Variants in BIN2 observed in about 807,000 individuals in gnomAD.
The protein encoded by BIN2 is breast cancer associated protein BRAP1.
BIN2 carries 43 observed loss-of-function variants against 67.9 expected under a neutral mutation model. The ratio of observed to expected loss-of-function variants is 0.63; its 90% CI spans 0.50 to 0.82. The LOEUF (loss-of-function observed/expected upper bound fraction) is 0.82. Among genes scored for constraint, BIN2 ranks in the 40% least tolerant of loss-of-function variants. BIN2 has a pLI of 0.00. For missense variants in BIN2, 581 were observed against 671.6 expected (o/e 0.87, Z 1.49); for synonymous variants, 244 against 246.8 (o/e 0.99, Z 0.11).
At chr12:51,287,975 G>A (rs1398777064) in intron 11 of BIN2, 133 bp downstream of exon 11, 1 of 647,622 alleles carries the variant, frequency 1.5e-6, no homozygotes, top group Non-Finnish European at 2.6e-6. Flanking sequence ...ATCTTGCTCT[G>A]TTAGGGCCCT....
chr12:51,284,315 T>C (rs1945186714), intron 12 of BIN2, among the ~76,000 whole-genome samples: 1 of 152,206 alleles, frequency 6.6e-6, no homozygotes, highest in East Asian at 1.9e-4. Flanking sequence ...CTAGAAGCAA[T>C]AGGCTATACC....
intron 5 of BIN2, among the ~76,000 whole-genome samples, chr12:51,301,681 T>G (rs1239205188): frequency 6.6e-6 from 1 of 151,922 alleles, no homozygotes; most frequent in Non-Finnish European, 1.5e-5. Flanking sequence ...TATTTTTTTT[T>G]GTATTTTTTG....
At chr12:51,295,651 T>A (rs1945546536) in intron 9 of BIN2, 145 bp downstream of exon 9, 37 of 274,730 alleles carry the variant, frequency 1.3e-4, no homozygotes, top group African/African-American at 3.3e-4. Context: ...AGCAAAATAA[T>A]TTATATAGGA....
intron 4 of BIN2, chr12:51,302,325 A>G: frequency 1.8e-6 from 1 of 554,868 alleles, no homozygotes. Flanking sequence ...ACATTCAGAG[A>G]TTAAGAACAG....
At chr12:51,314,205 G>C (rs1490234990) in intron 1 of BIN2, among the ~76,000 whole-genome samples, 2 of 151,686 alleles carry the variant, frequency 1.3e-5, no homozygotes, top group East Asian at 3.9e-4. Context: ...GTACCACCAC[G>C]CCCAGCTAAT....
At chr12:51,297,015 C>T in intron 8 of BIN2, 74 bp downstream of exon 8, 1 of 1,362,468 alleles carries the variant, frequency 7.3e-7, no homozygotes, top group Non-Finnish European at 1.0e-6. Context: ...TTAAAGAAAT[C>T]ATGTAAGTCA....
At chr12:51,305,425 A>G (rs1945842456) in intron 2 of BIN2, among the ~76,000 whole-genome samples, 1 of 152,148 alleles carries the variant, frequency 6.6e-6, no homozygotes, top group Admixed American at 6.5e-5. Context: ...GGAGCTCTAG[A>G]CCAGCCTGAC....
rs1304614361 is a variant in BIN2, at chr12:51,324,164, G to A, written c.-62C>T. ...CGCCCTGTGGTTTTCTGAGGCCCCC[G>A]AGGAGGAAGTGCGGGCTCCCGGCAT... On this transcript the variant is annotated 5_prime_UTR_variant, in exon 1 of 13. Coordinates refer to ENST00000615107, the MANE Select transcript of BIN2 (RefSeq NM_016293.4). 1.4e-5 allele frequency: 22 copies of A among 1,597,654 alleles called. No individual in the cohort carries two copies. The Middle Eastern group carries it at 5.6e-4, about 41-fold the overall frequency.
At chr12:51,299,795 G>T in intron 5 of BIN2, 81 bp from the exon 6 acceptor site, 1 of 1,203,544 alleles carries the variant, frequency 8.3e-7, no homozygotes, top group Non-Finnish European at 1.2e-6. Context: ...CAAACAGAGA[G>T]CAAGATTCTT....
intron 1 of BIN2, among the ~76,000 whole-genome samples, chr12:51,315,963 G>A (rs1946115099): frequency 6.6e-6 from 1 of 152,070 alleles, no homozygotes; most frequent in South Asian, 2.1e-4. Context: ...ATCATCCTGC[G>A]AAGTCCAAGT....
intron 11 of BIN2, among the ~76,000 whole-genome samples, chr12:51,287,683 G>A (rs1353883904): frequency 1.4e-5 from 2 of 140,592 alleles, no homozygotes; most frequent in African/African-American, 2.7e-5. Flanking sequence ...ACGGAGTCTC[G>A]CTCTGTCACC....
intron 5 of BIN2, among the ~76,000 whole-genome samples, chr12:51,300,789 G>A (rs943352489): frequency 6.6e-6 from 1 of 152,176 alleles, no homozygotes; most frequent in Non-Finnish European, 1.5e-5. Context: ...ACTTCTGTTT[G>A]CACAAAGAAC....
intron 7 of BIN2, 111 bp downstream of exon 7, chr12:51,299,092 G>T: frequency 2.6e-5 from 18 of 686,638 alleles, no homozygotes; most frequent in South Asian, 1.7e-5. Context: ...AAAAAAAGGG[G>T]GCGGGGCAGT....
intron 1 of BIN2, among the ~76,000 whole-genome samples, chr12:51,315,395 A>C (rs534280750): frequency 6.6e-6 from 1 of 152,200 alleles, no homozygotes; most frequent in East Asian, 1.9e-4. Context: ...GATAATCTCT[A>C]TCTCCTGACC....
At chr12:51,317,960 C>T (rs1946176480) in intron 1 of BIN2, among the ~76,000 whole-genome samples, 2 of 152,008 alleles carry the variant, frequency 1.3e-5, no homozygotes, top group African/African-American at 2.4e-5. Context: ...CGCAGTCCGG[C>T]CTAGGCAAAA....
intron 2 of BIN2, among the ~76,000 whole-genome samples, chr12:51,310,476 T>C (rs1387168491): frequency 6.6e-6 from 1 of 152,234 alleles, no homozygotes; most frequent in Non-Finnish European, 1.5e-5. Context: ...TTTTGTGATA[T>C]TAAGAAATGA....
At chr12:51,314,201 C>A (rs886087941) in intron 1 of BIN2, among the ~76,000 whole-genome samples, 2 of 151,956 alleles carry the variant, frequency 1.3e-5, no homozygotes, top group Non-Finnish European at 2.9e-5. Flanking sequence ...GCGTGTACCA[C>A]CACGCCCAGC....
intron 1 of BIN2, among the ~76,000 whole-genome samples, chr12:51,320,145 A>G (rs1002685343): frequency 6.6e-6 from 1 of 152,012 alleles, no homozygotes; most frequent in Non-Finnish European, 1.5e-5. Context: ...CCACTAGGCT[A>G]ATTTTTGTAT....
Position 51,299,227 on chromosome 12 carries a change from T to C in BIN2, c.578A>G (p.Glu193Gly). Residue 193 changes from glutamate (E) to glycine (G), a missense_variant, in exon 7 of 13, where the codon GAG (glutamate) becomes GGG (glycine). Coordinates refer to ENST00000615107, the MANE Select transcript of BIN2 (RefSeq NM_016293.4). ...VFEDLNQELLEELPILYNSRI... is the reference protein window; with the variant it reads ...VFEDLNQELLGELPILYNSRI... Reference sequence around the variant, plus strand: ...CCTATTATAAAGAATAGGCAGCTCCTCTAGTAGTTCTTGGTTCAGATCTTC... The same window carrying C: ...CCTATTATAAAGAATAGGCAGCTCCCCTAGTAGTTCTTGGTTCAGATCTTC... 6.2e-7 allele frequency: 1 copy of C among 1,613,610 alleles called. No homozygotes were observed.
Sources: allele counts gnomAD v4.1 joint callset (sites outside exome capture counted in the v4.1 genomes callset), GRCh38; gene constraint gnomAD v4.1.1; transcripts MANE v1.5; gene names NCBI Gene and HGNC (gene_info 2026-07-23, HGNC 2026-07-21).